USP54: variants seen among roughly 807,000 people sequenced by gnomAD.
The protein encoded by USP54 is ubiquitin carboxyl-terminal hydrolase 54.
A neutral mutation model predicts 170.5 loss-of-function variants in USP54; 87 were observed. The observed-to-expected ratio is 0.51, with a 90% confidence interval of 0.43 to 0.61. The LOEUF (loss-of-function observed/expected upper bound fraction) is 0.61, where lower values mean the gene tolerates loss of function less well. Ranked by LOEUF, USP54 falls within the 20% of genes least tolerant of loss-of-function variation. The pLI, the probability that USP54 is intolerant of heterozygous loss-of-function variation, is 0.00. For synonymous variants in USP54, 655 were observed against 742.8 expected, an observed-to-expected ratio of 0.88 and a Z score of 1.92; for missense variants, 1,786 against 2,047.8, an observed-to-expected ratio of 0.87 and a Z score of 2.47.
intron 10 of USP54, chr10:73,538,165 C>T (rs535115211): frequency 6.6e-6 from 1 of 151,978 alleles, no homozygotes; most frequent in East Asian, 1.9e-4. Flanking sequence ...AGATCGCGCC[C>T]CTACACCCCA....
At chr10:73,578,942 C>CTT (rs34362461) in intron 1 of USP54, among the ~76,000 whole-genome samples, 20 of 133,964 alleles carry the variant, frequency 1.5e-4, no homozygotes, top group South Asian at 7.1e-4. Flanking sequence ...GCAAAGATTC[C>CTT]TTTTTTTTTT....
Position 73,619,573 on chromosome 10 carries a change from G to A in USP54, c.-18+5994C>T, listed in dbSNP as rs187031725. ...GAAAGAAAAAAGAAAGTTCTCTAGG[G>A]AGAACTGCTGGGATTATAGGCGTGA... On this transcript the variant is annotated intron_variant, in intron 1 of 22. Transcript: ENST00000339859. Among the ~76,000 whole-genome samples the A allele has an allele frequency of 4.1e-3, 614 of 150,014 alleles. 6 individuals are homozygous for A. Among genetic ancestry groups the A allele is most frequent in the Non-Finnish European group, 6.8e-3 (461 of 67,952 alleles).
Position 73,541,442 on chromosome 10 carries a change from T to A in USP54, c.758A>T (p.Asp253Val). Residue 253 changes from aspartate (D) to valine (V), a missense_variant, in exon 9 of 24, where the codon GAC becomes GTC. Transcript: ENST00000687698. ...PQIITIGLVW[D>V]SDHSDLAEDV... ...TTCTGCTAAGTCTGAGTGGTCTGAG[T>A]CCCATACCAGCCCAATCGTGATAAT... 6.2e-7 allele frequency: 1 copy of A among 1,613,986 alleles called. No individual in the cohort carries two copies. Among genetic ancestry groups the A allele is most frequent in the Non-Finnish European group, 8.5e-7 (1 of 1,179,990 alleles).
rs2076000150 is a variant in USP54 at position 73,575,533 on chromosome 10, G to A, written c.126C>T (p.Cys42=). The change falls in exon 3 of 24, where the codon TGC becomes TGT. Residue 42 remains cysteine (C), a synonymous_variant. Coordinates refer to ENST00000687698, the MANE Select transcript of USP54 (RefSeq NM_001391956.1). ...TTACCTGCAGGGCACTGTTGAGGAA[G>A]CAGCTGTTTTGCCCTGGCTCATTGC... ...GLSNEPGQNS[C]FLNSALQVLW... The A allele has an allele frequency of 6.2e-7, 1 of 1,612,174 alleles. No individual in the cohort carries two copies. Among genetic ancestry groups the A allele is most frequent in the Non-Finnish European group, 8.5e-7 (1 of 1,179,446 alleles).
chr10:73,530,636 G>T, intron 13 of USP54, 68 bp downstream of exon 13: 1 of 1,599,430 alleles, frequency 6.3e-7, no homozygotes, highest in Non-Finnish European at 8.5e-7. Context: ...GAAGCCAACA[G>T]TCTGGAGCAT....
In USP54 at chr10:73,606,654, A is replaced by G. The variant is rs560740524; in HGVS notation, c.-18+18913T>C. On this transcript the variant is annotated intron_variant, in intron 1 of 22. Coordinates refer to the USP54 transcript ENST00000339859. Reference sequence around the variant, plus strand: ...AGCACTTTGGGAGGCCGAGGTGGGCAGATCACAAGGTCAGGAGATCGAGAC... The same window carrying G: ...AGCACTTTGGGAGGCCGAGGTGGGCGGATCACAAGGTCAGGAGATCGAGAC... Among the ~76,000 whole-genome samples the G allele has an allele frequency of 1.3e-4, 19 of 149,762 alleles. No individual in the cohort carries two copies. The East Asian group carries it at 3.9e-3, about 30-fold the overall frequency.
chr10:73,524,855 G>T (rs548379180), intron 16 of USP54, among the ~76,000 whole-genome samples: 2 of 152,260 alleles, frequency 1.3e-5, no homozygotes, highest in East Asian at 1.9e-4. Context: ...AGTCAAGTAG[G>T]TTAAATTCAT....
In USP54 at chr10:73,580,318, CAAAAAAAA is replaced by C. The variant is rs550717480; in HGVS notation, c.-581-3965_-581-3958del. The stretch of plus-strand genomic sequence containing the variant: ...TAGGCAACAGAGAAAGACCCCATTT[CAAAAAAAA>C]AAAAAAAAAGAAAGAAAAAGAAAAA... On this transcript the variant is annotated intron_variant, in intron 1 of 23. Transcript: ENST00000687698. Among the ~76,000 whole-genome samples the C allele has an allele frequency of 1.1e-4, 7 of 64,402 alleles. No homozygotes were observed. The Admixed American group carries it at 1.1e-3, about 10-fold the overall frequency. 42.3% of individuals were successfully genotyped at this position (64,402 alleles called of 152,430 possible).
Position 73,530,508 on chromosome 10 carries a change from T to C in USP54, c.1463A>G (p.Glu488Gly). Residue 488 changes from glutamate to glycine, a missense_variant, in exon 14 of 24, where the codon GAG (glutamate) becomes GGG (glycine). By Grantham distance (98) the Glu-to-Gly change is moderately conservative. Coordinates refer to ENST00000687698, the MANE Select transcript of USP54 (RefSeq NM_001391956.1). ...GYHSEGETLKEKQAPRNASKP... is the reference protein window; with the variant it reads ...GYHSEGETLKGKQAPRNASKP... ...GGAGGCATTTCTAGGAGCCTGCTTC[T>C]CTTTCAGTGTTTCTCCTAAAAACAC... 6.2e-7 allele frequency: 1 copy of C among 1,607,874 alleles called. No individual in the cohort carries two copies. Among genetic ancestry groups the C allele is most frequent in the South Asian group, 1.1e-5 (1 of 89,758 alleles).
chr10:73,505,516 G>T, intron 20 of USP54, 90 bp from the exon 21 acceptor site: 1 of 987,938 alleles, frequency 1.0e-6, no homozygotes, highest in Non-Finnish European at 1.5e-6. Context: ...AGGAGCTGTT[G>T]TTTCATTTAA....
chr10:73,613,850 A>G (rs529209528), intron 1 of USP54: 3 of 152,180 alleles, frequency 2.0e-5, no homozygotes, highest in Admixed American at 2.0e-4. Flanking sequence ...ACTGCACTCC[A>G]GCCTAGGTGA....
At chr10:73,502,784 G>A (rs1309722570) in intron 22 of USP54, among the ~76,000 whole-genome samples, 1 of 151,968 alleles carries the variant, frequency 6.6e-6, no homozygotes, top group Non-Finnish European at 1.5e-5. Context: ...TTCTCTTTCT[G>A]CAAGTCTTTT....
chr10:73,571,572 G>A, intron 3 of USP54, 59 bp from the exon 4 acceptor site: 1 of 1,414,120 alleles, frequency 7.1e-7, no homozygotes. Context: ...TAATTTTAAA[G>A]TAAAGAGTTC....
At chr10:73,521,180 C>T (rs1158522999) in intron 17 of USP54, among the ~76,000 whole-genome samples, 153 bp from the exon 18 acceptor site, 2 of 152,184 alleles carry the variant, frequency 1.3e-5, no homozygotes, top group African/African-American at 4.8e-5. Context: ...TATCTGAAAA[C>T]AAGCAGGACA....
intron 9 of USP54, among the ~76,000 whole-genome samples, chr10:73,540,710 T>G (rs2066439752): frequency 6.6e-6 from 1 of 152,204 alleles, no homozygotes. Flanking sequence ...TCCTCCCACC[T>G]CAGCCTCCTG....
At chr10:73,553,117 G>A (rs1374390057) in intron 4 of USP54, 3 of 152,152 alleles carry the variant, frequency 2.0e-5, no homozygotes, top group African/African-American at 7.2e-5. Flanking sequence ...AAGGTCTTAA[G>A]GTCAGAGCTC....
Position 73,539,477 on chromosome 10 carries a change from T to A in USP54, c.942A>T (p.Lys314Asn). 1 of 1,610,330 alleles carries A rather than the reference T, an allele frequency of 6.2e-7. No individual in the cohort carries two copies. Among genetic ancestry groups the A allele is most frequent in the Non-Finnish European group, 8.5e-7 (1 of 1,177,538 alleles). ...CATGAGCATCATCAAAATACATCCATTTGCGAATCTTTGTTTGAAAAAAGA... is the reference window on the plus strand; with the variant it reads ...CATGAGCATCATCAAAATACATCCAATTGCGAATCTTTGTTTGAAAAAAGA... ...STFFFQTKIR[K>N]WMYFDDAHVK... is the part of the protein sequence containing the mutation. Residue 314 changes from lysine (K) to asparagine (N), a missense_variant, in exon 10 of 24, where the codon AAA becomes AAT. By Grantham distance (94) the Lys-to-Asn change is moderately conservative. This residue lies in a region of USP54 where 361 missense variants were observed against 455.0 expected (regional missense o/e 0.79). Coordinates refer to ENST00000687698, the MANE Select transcript of USP54 (RefSeq NM_001391956.1).
rs1407235825 is a variant in USP54 at position 73,504,884 on chromosome 10, T to C, written c.4277A>G (p.Glu1426Gly). The C allele has an allele frequency of 1.2e-6, 2 of 1,614,022 alleles. No homozygotes were observed. Among genetic ancestry groups the C allele is most frequent in the Non-Finnish European group, 1.7e-6 (2 of 1,180,032 alleles). ...GGAAGAAACCGGAGCTTCCTCCCTCTCTGAGACAACGGTGCCACTGAGACT... is the reference window on the plus strand; with the variant it reads ...GGAAGAAACCGGAGCTTCCTCCCTCCCTGAGACAACGGTGCCACTGAGACT... ...SRSLSGTVVS[E>G]REEAPVSSHS... Residue 1426 changes from glutamate (E) to glycine (G), a missense_variant, in exon 22 of 24, where the codon GAG (glutamate) becomes GGG (glycine). Physicochemically the swap from Glu to Gly is moderately conservative, Grantham distance 98. Transcript: ENST00000687698.
At chr10:73,610,064 G>A (rs1161271116) in intron 1 of USP54, among the ~76,000 whole-genome samples, 2 of 151,340 alleles carry the variant, frequency 1.3e-5, no homozygotes, top group African/African-American at 4.9e-5. Context: ...CGTAATCCCA[G>A]CTACTTGGGA....
Sources: allele counts gnomAD v4.1 joint callset (sites outside exome capture counted in the v4.1 genomes callset), GRCh38; gene constraint gnomAD v4.1.1; regional missense constraint gnomAD v4.1.1; transcripts MANE v1.5; gene names NCBI Gene and HGNC (gene_info 2026-07-23, HGNC 2026-07-21).